The following DNAH5 variants were observed in gnomAD, a reference collection of about 807,000 sequenced individuals.
The protein encoded by DNAH5 is axonemal beta dynein heavy chain 5.
Under a neutral mutation model 518.2 loss-of-function variants are expected in DNAH5, and 372 were observed. That is an observed-to-expected ratio of 0.72 (90% CI 0.66 to 0.78). The LOEUF (loss-of-function observed/expected upper bound fraction) is 0.78. Ranked by LOEUF, DNAH5 falls within the 30% of genes least tolerant of loss-of-function variation. The pLI is 0.00. For synonymous variants in DNAH5, 2,039 were observed against 2,025.9 expected (o/e 1.01, Z -0.17); for missense variants, 5,523 against 5,687.0 (o/e 0.97, Z 0.93).
At chr5:13,694,611 ATT>A (rs1184469487) in intron 78 of DNAH5, among the ~76,000 whole-genome samples, 4 of 152,184 alleles carry the variant, frequency 2.6e-5, no homozygotes, top group African/African-American at 9.7e-5. Context: ...GGGGAATTTC[ATT>A]TTCTGACTAT....
intron 52 of DNAH5, among the ~76,000 whole-genome samples, chr5:13,781,274 G>A (rs901860051): frequency 6.6e-6 from 1 of 152,198 alleles, no homozygotes; most frequent in Non-Finnish European, 1.5e-5. Flanking sequence ...AGGGGACTTT[G>A]AGGATTCCTG....
rs113381033 is a variant in DNAH5, at chr5:13,922,940, T to C, written c.438+340A>G. 2.3e-3 allele frequency among the ~76,000 whole-genome samples: 345 copies of C among 152,138 alleles called. 6 individuals are homozygous for C. The highest frequency in any genetic ancestry group is 7.9e-3 in the African/African-American group (327 of 41,522). On this transcript the variant is annotated intron_variant, in intron 4 of 78. Transcript: ENST00000265104. ...ACTTTGCACAAAAAAAAAAAAGTTA[T>C]ATATCCACTTTCAGAAATCTTATCT...
intron 12 of DNAH5, among the ~76,000 whole-genome samples, chr5:13,902,815 C>T (rs562137257): frequency 1.3e-5 from 2 of 151,682 alleles, no homozygotes; most frequent in Non-Finnish European, 2.9e-5. Flanking sequence ...AAGACATTAA[C>T]ATAAAAGCTA....
At chr5:13,750,214 A>G (rs1750023614) in intron 65 of DNAH5, among the ~76,000 whole-genome samples, 1 of 152,170 alleles carries the variant, frequency 6.6e-6, no homozygotes, top group Non-Finnish European at 1.5e-5. Context: ...TAACATAAAT[A>G]ATCTTCAGGT....
chr5:13,807,977 C>T (rs1759905609), intron 46 of DNAH5, among the ~76,000 whole-genome samples: 2 of 152,136 alleles, frequency 1.3e-5, no homozygotes, highest in South Asian at 4.2e-4. Flanking sequence ...CACCTGTAAT[C>T]CCAGCACTTT....
At chr5:13,795,445 T>G (rs1290831028) in intron 47 of DNAH5, among the ~76,000 whole-genome samples, 4 of 151,746 alleles carry the variant, frequency 2.6e-5, no homozygotes, top group Admixed American at 6.6e-5. Flanking sequence ...AACTAGAAAA[T>G]CTAGAAGAAA....
intron 22 of DNAH5, among the ~76,000 whole-genome samples, chr5:13,872,321 C>T (rs2151921831): frequency 6.6e-6 from 1 of 152,182 alleles, no homozygotes; most frequent in Admixed American, 6.5e-5. Flanking sequence ...TGAGAGATTG[C>T]CTGGAATCAC....
intron 65 of DNAH5, among the ~76,000 whole-genome samples, chr5:13,750,812 C>T (rs1750103466): frequency 6.6e-6 from 1 of 152,152 alleles, no homozygotes; most frequent in African/African-American, 2.4e-5. Flanking sequence ...GAAAATGAGA[C>T]TGATTCCTCG....
rs1751960547 is a variant in DNAH5 at position 13,762,758 on chromosome 5, G to A, written c.10245C>T (p.Ser3415=). The change falls in exon 60 of 79, where the codon TCC becomes TCT. Residue 3415 remains serine (S), a synonymous_variant. Transcript: ENST00000265104. Reference sequence around the variant, plus strand: ...GTACTTCTTTGTTTATAGAAAAGAAGGAAGCCATAGCTTTCGTCCAGGAAC... The same window carrying A: ...GTACTTCTTTGTTTATAGAAAAGAAAGAAGCCATAGCTTTCGTCCAGGAAC... The part of the protein sequence containing the change: ...GLCSWTKAMA[S]FFSINKEVLP... 6 of 1,614,092 alleles carry A rather than the reference G, an allele frequency of 3.7e-6. No individual in the cohort carries two copies. Among genetic ancestry groups the A allele is most frequent in the Non-Finnish European group, 1.7e-6 (2 of 1,179,998 alleles).
At position 13,810,252 on chromosome 5, in the gene DNAH5, G is replaced by A; in HGVS notation, c.7416C>T (p.Gly2472=). ...CCAGGTGAGCCTGGCTCACCTCCCC[G>A]CCTTGCTCCTGAGAAGGAAAGACAC... The part of the protein sequence containing the change: ...LQGLIPLKEQ[G]GEVSQAHLGR... The change falls in exon 45 of 79, where the codon GGC becomes GGT. Residue 2472 remains glycine, a synonymous_variant. Transcript: ENST00000265104. 3 of 1,550,388 alleles carry A rather than the reference G, an allele frequency of 1.9e-6. No individual in the cohort carries two copies. Among genetic ancestry groups the A allele is most frequent in the Non-Finnish European group, 1.7e-6 (2 of 1,146,806 alleles).
intron 1 of DNAH5, among the ~76,000 whole-genome samples, chr5:13,983,657 T>G (rs990146477): frequency 6.6e-6 from 1 of 152,098 alleles, no homozygotes; most frequent in Non-Finnish European, 1.5e-5. Flanking sequence ...CTCTAGGCTA[T>G]GGGAATGAGC....
At chr5:13,963,318 C>T (rs184968242) in intron 1 of DNAH5, among the ~76,000 whole-genome samples, 1 of 151,794 alleles carries the variant, frequency 6.6e-6, no homozygotes, top group Non-Finnish European at 1.5e-5. Flanking sequence ...TGGCTCACGC[C>T]TATAATCCCA....
chr5:13,831,938 T>G (rs1332017142), intron 35 of DNAH5, among the ~76,000 whole-genome samples: 1 of 152,140 alleles, frequency 6.6e-6, no homozygotes, highest in African/African-American at 2.4e-5. Flanking sequence ...TTGAGTGACT[T>G]TTCTCAGGAC....
chr5:13,801,954 A>C (rs795541), intron 47 of DNAH5, among the ~76,000 whole-genome samples: 51,033 of 151,916 alleles, frequency 0.34, 9,225 homozygotes, highest in Middle Eastern at 0.45. Flanking sequence ...GCCATTTCTA[A>C]GCCAAAAAAA....
rs771352072 is a variant in DNAH5 at position 13,793,616 on chromosome 5, T to C, written c.8123A>G (p.His2708Arg). 6.2e-7 allele frequency: 1 copy of C among 1,614,022 alleles called. No homozygotes were observed. Among genetic ancestry groups the C allele is most frequent in the Non-Finnish European group, 8.5e-7 (1 of 1,180,030 alleles). ...TATGTCATTGCGTCCACCACCAGGATGGATCATGGCTGCCAAAAACTGGAT... is the reference window on the plus strand; with the variant it reads ...TATGTCATTGCGTCCACCACCAGGACGGATCATGGCTGCCAAAAACTGGAT... ...VDIQFLAAMI[H>R]PGGGRNDIPQ... Residue 2708 changes from histidine to arginine, a missense_variant, in exon 49 of 79, where the codon CAT becomes CGT. Physicochemically the swap from His to Arg is conservative, Grantham distance 29. Transcript: ENST00000265104.
intron 74 of DNAH5, among the ~76,000 whole-genome samples, chr5:13,715,482 A>G (rs1324045123): frequency 6.6e-6 from 1 of 152,276 alleles, no homozygotes; most frequent in African/African-American, 2.4e-5. Flanking sequence ...ACAGTAAAAC[A>G]AATATATTTG....
Position 13,914,342 on chromosome 5 carries a change from G to A in DNAH5, c.1320+178C>T, listed in dbSNP as rs111765519. ...AGGACATAGTAGGCTCCCAAGGAGGGTACAAAAAGGTGAATAAATTTCCTG... is the reference window on the plus strand; with the variant it reads ...AGGACATAGTAGGCTCCCAAGGAGGATACAAAAAGGTGAATAAATTTCCTG... On this transcript the variant is annotated intron_variant, in intron 10 of 78. Coordinates refer to ENST00000265104, the MANE Select transcript of DNAH5 (RefSeq NM_001369.3). Among the ~76,000 whole-genome samples the A allele has an allele frequency of 5.5e-3, 843 of 152,052 alleles. 2 individuals carry two copies. The highest frequency in any genetic ancestry group is 0.031 in the South Asian group (149 of 4,806).
chr5:13,732,053 G>T (rs1307482783), intron 68 of DNAH5, among the ~76,000 whole-genome samples: 1 of 150,648 alleles, frequency 6.6e-6, no homozygotes, highest in East Asian at 2.0e-4. Context: ...CCAGGAGTTT[G>T]AGGTTACAGT....
intron 3 of DNAH5, among the ~76,000 whole-genome samples, chr5:13,927,088 T>C (rs1777954755): frequency 6.6e-6 from 1 of 152,010 alleles, no homozygotes; most frequent in Non-Finnish European, 1.5e-5. Context: ...TATTTTAATA[T>C]ATTAAATAAT....
Sources: allele counts gnomAD v4.1 joint callset (sites outside exome capture counted in the v4.1 genomes callset), GRCh38; gene constraint gnomAD v4.1.1; transcripts MANE v1.5; gene names NCBI Gene and HGNC (gene_info 2026-07-23, HGNC 2026-07-21).